The following CCDC7 variants were observed in gnomAD, a reference collection of about 807,000 sequenced individuals.
The protein encoded by CCDC7 is coiled-coil domain containing 7.
In CCDC7, 183 loss-of-function variants were observed where a neutral mutation model predicts 196.9. That is an observed-to-expected ratio of 0.93 (90% CI 0.82 to 1.05). The LOEUF is 1.05. Among genes scored for constraint, CCDC7 ranks in the 50% least tolerant of loss-of-function variants. The pLI, the probability that CCDC7 is intolerant of heterozygous loss-of-function variation, is 0.00. For missense variants in CCDC7, 1,540 were observed against 1,482.2 expected (o/e 1.04, Z -0.64); for synonymous variants, 525 against 484.6 (o/e 1.08, Z -1.10).
At chr10:32,515,640 T>A (rs2046899616) in intron 9 of CCDC7, among the ~76,000 whole-genome samples, 1 of 151,864 alleles carries the variant, frequency 6.6e-6, no homozygotes, top group African/African-American at 2.4e-5. Context: ...GCCTCCCGGG[T>A]TCACGCCATT....
intron 33 of CCDC7, among the ~76,000 whole-genome samples, chr10:32,841,764 G>A (rs1351594269): frequency 1.3e-5 from 2 of 151,872 alleles, no homozygotes; most frequent in Non-Finnish European, 2.9e-5. Context: ...TACACACATA[G>A]ACCAATGGAA....
In CCDC7 at chr10:32,671,774, T is replaced by G. The variant is rs1412419825; in HGVS notation, c.2122+7613T>G. ...CAGGGGTGTGAGGGCGCTTGCTGGG[T>G]GGGCTGCTGCAGTTCTGGCACTCAT... is the stretch of plus-strand genomic sequence containing the variant. On this transcript the variant is annotated intron_variant, in intron 21 of 41. Transcript: ENST00000639629. Among the ~76,000 whole-genome samples the G allele has an allele frequency of 2.6e-5, 4 of 152,106 alleles. No individual in the cohort carries two copies. The East Asian group carries it at 7.7e-4, about 29-fold the overall frequency.
intron 11 of CCDC7, among the ~76,000 whole-genome samples, chr10:32,540,989 C>T (rs1014380548): frequency 4.0e-5 from 6 of 151,704 alleles, no homozygotes; most frequent in African/African-American, 9.7e-5. Context: ...GCTTTTTCCC[C>T]GCCTCTTTCA....
rs76825211 is a variant in CCDC7 at position 32,761,079 on chromosome 10, A to G, written c.2906-17898A>G. 7.5e-3 allele frequency among the ~76,000 whole-genome samples: 1,143 copies of G among 152,184 alleles called. 9 individuals carry two copies. The highest frequency in any genetic ancestry group is 0.012 in the Non-Finnish European group (824 of 67,958). The stretch of plus-strand genomic sequence containing the variant: ...ATTTTATTCTCTAAAAGTAACTATT[A>G]TGGCACTCCCAATCATTGTGAGTTT... On this transcript the variant is annotated intron_variant, in intron 28 of 41. Transcript: ENST00000639629.
intron 16 of CCDC7, chr10:32,574,626 G>T: frequency 3.8e-6 from 2 of 520,686 alleles, no homozygotes; most frequent in Non-Finnish European, 2.8e-6. Context: ...TCAAACAATA[G>T]ATTTTAATAA....
rs200166767 is a variant in CCDC7 at position 32,684,090 on chromosome 10, T to TG, written c.2123-1874dup. Among the ~76,000 whole-genome samples the TG allele has an allele frequency of 7.9e-3, 1,202 of 152,054 alleles. 7 individuals carry two copies. The highest frequency in any genetic ancestry group is 0.02 in the Middle Eastern group (6 of 294). The stretch of plus-strand genomic sequence containing the variant: ...CTGCAGCCAGCCCAAGTGATCAGGT[T>TG]GGGGGGTGGGGTGAGGTGGGTTGCT... On this transcript the variant is annotated intron_variant, in intron 21 of 41. Transcript: ENST00000639629.
intron 8 of CCDC7, among the ~76,000 whole-genome samples, chr10:32,479,071 C>T (rs1489248162): frequency 6.6e-6 from 1 of 152,114 alleles, no homozygotes; most frequent in Non-Finnish European, 1.5e-5. Context: ...TCTAAATTAT[C>T]AAATTTGTTA....
At chr10:32,870,553 T>G (rs953151418) in intron 41 of CCDC7, among the ~76,000 whole-genome samples, 4 of 152,178 alleles carry the variant, frequency 2.6e-5, no homozygotes, top group Non-Finnish European at 5.9e-5. Flanking sequence ...CACGGACAAT[T>G]TGACTTCCTC....
chr10:32,832,051 A>G (rs1280099458), intron 32 of CCDC7, among the ~76,000 whole-genome samples: 1 of 152,154 alleles, frequency 6.6e-6, no homozygotes, highest in African/African-American at 2.4e-5. Flanking sequence ...TACAATGGTT[A>G]CAACATCACT....
chr10:32,719,951 G>A (rs2082157590), intron 25 of CCDC7, among the ~76,000 whole-genome samples: 1 of 152,220 alleles, frequency 6.6e-6, no homozygotes, highest in South Asian at 2.1e-4. Flanking sequence ...CATTGTGGAA[G>A]ACAGTGTGGC....
At chr10:32,494,172 T>C (rs2042553657) in intron 9 of CCDC7, among the ~76,000 whole-genome samples, 1 of 152,146 alleles carries the variant, frequency 6.6e-6, no homozygotes, top group African/African-American at 2.4e-5. Context: ...AGTTTCAGGT[T>C]TTACGTTTAA....
intron 25 of CCDC7, among the ~76,000 whole-genome samples, chr10:32,713,113 A>G (rs901317299): frequency 6.6e-6 from 1 of 152,222 alleles, no homozygotes; most frequent in Non-Finnish European, 1.5e-5. Context: ...GTTGGTTCAT[A>G]TAGAAAATGT....
chr10:32,700,470 G>T (rs1565193140), intron 24 of CCDC7, among the ~76,000 whole-genome samples: 1 of 151,750 alleles, frequency 6.6e-6, no homozygotes, highest in Non-Finnish European at 1.5e-5. Flanking sequence ...TTGTAGTATA[G>T]TTTGAAGTCA....
At chr10:32,610,992 T>C (rs1030535777) in intron 18 of CCDC7, among the ~76,000 whole-genome samples, 1 of 152,158 alleles carries the variant, frequency 6.6e-6, no homozygotes, top group Non-Finnish European at 1.5e-5. Flanking sequence ...ATTGAGGAAT[T>C]GCCACACTGT....
chr10:32,533,334 A>AT (rs2049990788), intron 11 of CCDC7, among the ~76,000 whole-genome samples: 1 of 151,206 alleles, frequency 6.6e-6, no homozygotes, highest in African/African-American at 2.4e-5. Context: ...CAATTTATGT[A>AT]TTTTATATTA....
chr10:32,703,815 G>C (rs1307279301), intron 24 of CCDC7, among the ~76,000 whole-genome samples: 2 of 152,052 alleles, frequency 1.3e-5, no homozygotes, highest in Non-Finnish European at 2.9e-5. Context: ...ATCAGCTACT[G>C]AGGCTTGTGC....
intron 21 of CCDC7, among the ~76,000 whole-genome samples, chr10:32,667,922 T>A (rs1276321759): frequency 2.6e-5 from 4 of 152,206 alleles, no homozygotes; most frequent in African/African-American, 7.2e-5. Context: ...ACTGGTAGCT[T>A]GATGGGGATG....
At chr10:32,690,347 C>G (rs1391813602) in intron 23 of CCDC7, among the ~76,000 whole-genome samples, 2 of 152,070 alleles carry the variant, frequency 1.3e-5, no homozygotes, top group Non-Finnish European at 2.9e-5. Context: ...GTTTGGTAGC[C>G]TTGTGGAAGG....
intron 25 of CCDC7, among the ~76,000 whole-genome samples, chr10:32,720,366 G>A (rs1565281378): frequency 2.0e-5 from 3 of 151,492 alleles, no homozygotes; most frequent in Admixed American, 6.6e-5. Context: ...AGTGGGAGTT[G>A]AACAATGAGA....
Sources: gnomAD v4.1 joint callset for allele counts (sites outside exome capture counted in the v4.1 genomes callset) on GRCh38, gnomAD v4.1.1 for gene constraint, MANE v1.5 for transcripts, NCBI Gene and HGNC (gene_info 2026-07-23, HGNC 2026-07-21) for gene names.